DGKI: variants seen among roughly 807,000 people sequenced by gnomAD.
DGKI encodes DAG kinase iota.
Under a neutral mutation model 147.5 loss-of-function variants are expected in DGKI, and 55 were observed. The ratio of observed to expected loss-of-function variants is 0.37; its 90% confidence interval spans 0.30 to 0.47. The LOEUF is 0.47. Ranked by LOEUF, DGKI falls within the 20% of genes least tolerant of loss-of-function variation. DGKI has a pLI of 1.00. For missense variants in DGKI, 1,007 were observed against 1,323.8 expected, an observed-to-expected ratio of 0.76 and a Z score of 3.71; for synonymous variants, 469 against 477.1, an observed-to-expected ratio of 0.98 and a Z score of 0.22.
intron 1 of DGKI, among the ~76,000 whole-genome samples, chr7:137,761,035 C>G (rs1028415905): frequency 8.5e-5 from 13 of 152,162 alleles, no homozygotes; most frequent in Admixed American, 6.5e-5. Flanking sequence ...AACACAATTT[C>G]CCATCTTAAA....
intron 20 of DGKI, among the ~76,000 whole-genome samples, chr7:137,545,025 A>T (rs947631582): frequency 1.3e-5 from 2 of 152,228 alleles, no homozygotes; most frequent in Admixed American, 6.5e-5. Context: ...CAGACTATGA[A>T]TTGTTAAAAA....
intron 28 of DGKI, among the ~76,000 whole-genome samples, chr7:137,418,061 A>G (rs1812425209): frequency 6.6e-6 from 1 of 152,238 alleles, no homozygotes; most frequent in African/African-American, 2.4e-5. Context: ...GTAAGAAGGC[A>G]GCAATGTACA....
intron 1 of DGKI, among the ~76,000 whole-genome samples, chr7:137,738,697 T>C (rs1462041451): frequency 6.7e-6 from 1 of 149,474 alleles, no homozygotes; most frequent in Non-Finnish European, 1.5e-5. Context: ...TGAACACTTT[T>C]TTAGAAATTC....
chr7:137,439,471 G>A (rs1018056952), intron 28 of DGKI, among the ~76,000 whole-genome samples: 3 of 152,146 alleles, frequency 2.0e-5, no homozygotes, highest in Non-Finnish European at 2.9e-5. Context: ...GCTTGTGCAG[G>A]GGAACTCCCA....
chr7:137,631,770 C>A (rs976043929), intron 6 of DGKI, among the ~76,000 whole-genome samples: 2 of 152,078 alleles, frequency 1.3e-5, no homozygotes, highest in South Asian at 2.1e-4. Flanking sequence ...AGTAAAAATG[C>A]CTGAATTGCT....
At chr7:137,698,201 G>C (rs1477115087) in intron 1 of DGKI, among the ~76,000 whole-genome samples, 2 of 151,350 alleles carry the variant, frequency 1.3e-5, no homozygotes, top group African/African-American at 4.9e-5. Flanking sequence ...TCCATATCCT[G>C]GAAAATACCT....
chr7:137,617,124 C>CAA (rs60654879), intron 8 of DGKI, among the ~76,000 whole-genome samples: 736 of 48,058 alleles, frequency 0.015, 22 homozygotes, highest in Admixed American at 0.025. Context: ...TCCCTTTTAC[C>CAA]AAAAAAAAAA....
At chr7:137,764,244 G>C (rs2116819541) in intron 1 of DGKI, among the ~76,000 whole-genome samples, 1 of 152,192 alleles carries the variant, frequency 6.6e-6, no homozygotes, top group South Asian at 2.1e-4. Flanking sequence ...TTTTTAAAAA[G>C]CTTCCTGAGC....
At chr7:137,708,765 C>T (rs1794122935) in intron 1 of DGKI, among the ~76,000 whole-genome samples, 2 of 152,040 alleles carry the variant, frequency 1.3e-5, no homozygotes, top group South Asian at 4.1e-4. Flanking sequence ...AGATATAGAT[C>T]TGCTATGAAT....
At chr7:137,765,464 A>G (rs1795988523) in intron 1 of DGKI, among the ~76,000 whole-genome samples, 1 of 152,206 alleles carries the variant, frequency 6.6e-6, no homozygotes, top group African/African-American at 2.4e-5. Context: ...AAATTTGATG[A>G]GCACACTTCT....
intron 15 of DGKI, among the ~76,000 whole-genome samples, chr7:137,580,305 C>T (rs1819144178): frequency 6.6e-6 from 1 of 151,944 alleles, no homozygotes; most frequent in Non-Finnish European, 1.5e-5. Context: ...AATAAAATCC[C>T]CCATGTACTT....
At chr7:137,793,712 CT>C (rs1359239581) in intron 1 of DGKI, among the ~76,000 whole-genome samples, 1 of 152,260 alleles carries the variant, frequency 6.6e-6, no homozygotes, top group East Asian at 1.9e-4. Flanking sequence ...ATTTCTTCAA[CT>C]TTTTTTCTCC....
intron 28 of DGKI, among the ~76,000 whole-genome samples, chr7:137,431,326 G>C (rs1456302838): frequency 6.6e-6 from 1 of 151,486 alleles, no homozygotes; most frequent in Non-Finnish European, 1.5e-5. Flanking sequence ...AACCACACAA[G>C]GAAAACTGAG....
intron 21 of DGKI, among the ~76,000 whole-genome samples, chr7:137,493,515 G>C (rs570411849): frequency 9.9e-5 from 15 of 152,122 alleles, no homozygotes; most frequent in Non-Finnish European, 1.9e-4. Context: ...GGCCCAAAAT[G>C]AGCCCACCAG....
At chr7:137,741,232 A>G (rs1795164261) in intron 1 of DGKI, among the ~76,000 whole-genome samples, 1 of 152,152 alleles carries the variant, frequency 6.6e-6, no homozygotes, top group South Asian at 2.1e-4. Context: ...GATTTTAATT[A>G]GTAAAAGATA....
intron 21 of DGKI, among the ~76,000 whole-genome samples, chr7:137,520,449 C>T (rs1369423109): frequency 6.6e-6 from 1 of 152,052 alleles, no homozygotes. Flanking sequence ...ATATGCTAGT[C>T]TGTCGCTTAT....
chr7:137,526,974 T>C (rs948080943), intron 20 of DGKI, among the ~76,000 whole-genome samples: 3 of 152,130 alleles, frequency 2.0e-5, no homozygotes, highest in Non-Finnish European at 4.4e-5. Context: ...AACCACGGAC[T>C]CCATTAACTC....
At chr7:137,652,407 G>A (rs1342612029) in intron 5 of DGKI, among the ~76,000 whole-genome samples, 1 of 152,164 alleles carries the variant, frequency 6.6e-6, no homozygotes, top group African/African-American at 2.4e-5. Context: ...ATACATATTG[G>A]AGGGCAGGAA....
At chr7:137,410,717 C>T (rs1174113215) in intron 29 of DGKI, among the ~76,000 whole-genome samples, 1 of 152,188 alleles carries the variant, frequency 6.6e-6, no homozygotes, top group Non-Finnish European at 1.5e-5. Flanking sequence ...ATGTACAGTG[C>T]TTTGCAAAAT....
Sources: gnomAD v4.1 joint callset for allele counts (sites outside exome capture counted in the v4.1 genomes callset) on GRCh38, gnomAD v4.1.1 for gene constraint, MANE v1.5 for transcripts, NCBI Gene and HGNC (gene_info 2026-07-23, HGNC 2026-07-21) for gene names.